Variants in LAMA1 observed in about 807,000 individuals in gnomAD.
LAMA1 encodes laminin subunit alpha-1.
A neutral mutation model predicts 348.7 loss-of-function variants in LAMA1; 219 were observed. That is an observed-to-expected ratio of 0.63 (90% CI 0.56 to 0.70). The LOEUF is 0.70. Ranked by LOEUF, LAMA1 falls within the 30% of genes least tolerant of loss-of-function variation. LAMA1 has a pLI of 0.00. For synonymous variants in LAMA1, 1,487 were observed against 1,491.0 expected (o/e 1.00, Z 0.06); for missense variants, 3,744 against 3,888.0 (o/e 0.96, Z 0.99).
In LAMA1 at chr18:7,077,567, C is replaced by T. The variant is rs112132222; in HGVS notation, c.345+2408G>A. 8.6e-3 allele frequency among the ~76,000 whole-genome samples: 1,301 copies of T among 152,076 alleles called. 16 individuals are homozygous for T. Among genetic ancestry groups the T allele is most frequent in the African/African-American group, 0.029 (1,193 of 41,464 alleles). On this transcript the variant is annotated intron_variant, in intron 3 of 62. Coordinates refer to ENST00000389658, the MANE Select transcript of LAMA1 (RefSeq NM_005559.4). The stretch of plus-strand genomic sequence containing the variant: ...AAATGGAGACTGCCTTCTGGAATTC[C>T]TCAGACTAACTTAGTCCATCCCTTC...
chr18:7,043,181 C>G (rs756504422), intron 8 of LAMA1, 46 bp downstream of exon 8: 3 of 1,596,682 alleles, frequency 1.9e-6, no homozygotes, highest in Non-Finnish European at 2.6e-6. Flanking sequence ...TCTTTTCCAC[C>G]TGGGGAAGAT....
At chr18:7,034,453 G>C (rs1475654828) in intron 14 of LAMA1, 26 bp downstream of exon 14, 3 of 1,571,622 alleles carry the variant, frequency 1.9e-6, no homozygotes, top group Non-Finnish European at 1.8e-6. Flanking sequence ...TTCACCGTAA[G>C]TTTTTCCTCC....
chr18:6,983,319 G>T, intron 39 of LAMA1, 85 bp from the exon 40 acceptor site: 1 of 1,387,610 alleles, frequency 7.2e-7, no homozygotes, highest in Non-Finnish European at 1.0e-6. Flanking sequence ...ATGCCTACCA[G>T]TTTTGAAAGC....
rs1420214740 is a variant in LAMA1 at position 7,023,271 on chromosome 18, G to A, written c.2594C>T (p.Ser865Leu). 3 of 1,614,146 alleles carry A rather than the reference G, an allele frequency of 1.9e-6. No individual in the cohort carries two copies. Among genetic ancestry groups the A allele is most frequent in the African/African-American group, 1.3e-5 (1 of 75,042 alleles). Residue 865 changes from serine to leucine, a missense_variant, in exon 19 of 63, where the codon TCA (serine) becomes TTA (leucine). Physicochemically the swap from Ser to Leu is moderately radical, Grantham distance 145. This residue lies in a region of LAMA1 where 1,529 missense variants were observed against 1,689.4 expected (regional missense o/e 0.91). Transcript: ENST00000389658. Reference protein sequence around the residue: ...VDPSEAGHCDSVTGECLKCLG... With the variant: ...VDPSEAGHCDLVTGECLKCLG... Reference sequence around the variant, plus strand: ...GCACTTCAGGCACTCCCCGGTGACTGAGTCACAGTGACCAGCCTCCGAGGG... The same window carrying A: ...GCACTTCAGGCACTCCCCGGTGACTAAGTCACAGTGACCAGCCTCCGAGGG...
intron 3 of LAMA1, among the ~76,000 whole-genome samples, chr18:7,056,719 T>A (rs2058083568): frequency 6.6e-6 from 1 of 152,174 alleles, no homozygotes; most frequent in Non-Finnish European, 1.5e-5. Flanking sequence ...GTTCATATGT[T>A]AAGCATAGTG....
intron 56 of LAMA1, 29 bp from the exon 57 acceptor site, chr18:6,955,494 C>T (rs563625229): frequency 8.3e-6 from 13 of 1,563,500 alleles, no homozygotes; most frequent in South Asian, 4.5e-5. Flanking sequence ...GACACTCAGC[C>T]GCCACCCGCA....
chr18:7,077,664 A>C (rs1279886902), intron 3 of LAMA1, among the ~76,000 whole-genome samples: 1 of 152,146 alleles, frequency 6.6e-6, no homozygotes, highest in Non-Finnish European at 1.5e-5. Context: ...TATATGTAAA[A>C]TGTCCAGGTC....
At chr18:7,094,998 T>C (rs2058254646) in intron 1 of LAMA1, among the ~76,000 whole-genome samples, 1 of 152,142 alleles carries the variant, frequency 6.6e-6, no homozygotes, top group East Asian at 1.9e-4. Context: ...GATTCAACAT[T>C]GTGAGATAGC....
chr18:6,965,490 C>A (rs1340563191), intron 49 of LAMA1, 58 bp from the exon 50 acceptor site: 10 of 1,594,674 alleles, frequency 6.3e-6, no homozygotes, highest in Non-Finnish European at 8.6e-6. Context: ...TTTCCCTTTC[C>A]CTTCAAGTCA....
intron 42 of LAMA1, among the ~76,000 whole-genome samples, chr18:6,980,217 T>C (rs1775268029): frequency 6.6e-6 from 1 of 152,184 alleles, no homozygotes; most frequent in Non-Finnish European, 1.5e-5. Flanking sequence ...CTTCTTTCAA[T>C]GGTCCTTCTT....
intron 1 of LAMA1, among the ~76,000 whole-genome samples, chr18:7,112,595 A>AATAT (rs560129265): frequency 1.4e-5 from 2 of 144,172 alleles, no homozygotes; most frequent in African/African-American, 5.7e-5. Context: ...TATCTATTAA[A>AATAT]ATATATATAT....
In LAMA1 at chr18:7,008,483, C is replaced by T. The variant is rs780016187; in HGVS notation, c.4122+5G>A. ...GGAAATAGATTTCGACTAGAGTCTC[C>T]GTACCTGACATGAGAATCCCACAGT... On this transcript the variant is annotated splice_donor_5th_base_variant and intron_variant, in intron 28 of 62. Transcript: ENST00000389658. The T allele has an allele frequency of 2.3e-5, 37 of 1,613,698 alleles. No homozygotes were observed. The highest frequency in any genetic ancestry group is 9.9e-5 in the South Asian group (9 of 91,070).
rs568237884 is a variant in LAMA1 at position 7,033,079 on chromosome 18, G to C, written c.2068C>G (p.Leu690Val). The C allele has an allele frequency of 1.2e-4, 186 of 1,610,852 alleles. 5 individuals carry two copies. In the South Asian group the frequency reaches 1.9e-3, roughly 17 times the overall value. The change falls in exon 15 of 63, where the codon CTG becomes GTG. Residue 690 changes from leucine to valine, a missense_variant. Transcript: ENST00000389658. ...MALYRLESVS[L>V]DIASSNAIDL... ...ATGGCATTAGAGCTGGCTATGTCCAGAGAGACGGACTCCAACCTACAAATA... is the reference window on the plus strand; with the variant it reads ...ATGGCATTAGAGCTGGCTATGTCCACAGAGACGGACTCCAACCTACAAATA...
intron 6 of LAMA1, 26 bp downstream of exon 6, chr18:7,046,252 G>A (rs1160653501): frequency 6.8e-7 from 1 of 1,475,252 alleles, no homozygotes; most frequent in African/African-American, 1.4e-5. Flanking sequence ...TGAAGTTTTA[G>A]TAAAATGTGA....
At chr18:7,062,608 C>T (rs1211934016) in intron 3 of LAMA1, among the ~76,000 whole-genome samples, 1 of 152,070 alleles carries the variant, frequency 6.6e-6, no homozygotes, top group African/African-American at 2.4e-5. Context: ...ACCAAGAGAC[C>T]AGAGCAGAGA....
At position 6,947,168 on chromosome 18, in the gene LAMA1, C is replaced by T. The variant is rs140080119; in HGVS notation, c.8839G>A (p.Gly2947Ser). 11 of 1,614,166 alleles carry T rather than the reference C, an allele frequency of 6.8e-6. No individual in the cohort carries two copies. The highest frequency in any genetic ancestry group is 2.2e-5 in the East Asian group (1 of 44,876). Residue 2947 changes from glycine (G) to serine (S), a missense_variant, in exon 61 of 63, where the codon GGC becomes AGC. Physicochemically the swap from Gly to Ser is moderately conservative, Grantham distance 56. This residue lies in a region of LAMA1 where 232 missense variants were observed against 264.4 expected (regional missense o/e 0.88). Coordinates refer to ENST00000389658, the MANE Select transcript of LAMA1 (RefSeq NM_005559.4). Reference sequence around the variant, plus strand: ...CATGGAGAGGAAGCACCCACCTTGCCGTCCACAAGCTCTAGTCCAATGGCA... The same window carrying T: ...CATGGAGAGGAAGCACCCACCTTGCTGTCCACAAGCTCTAGTCCAATGGCA... ...VDAIGLELVD[G>S]KVLFHVNNGA...
chr18:6,991,408 T>G lies in LAMA1; in HGVS notation c.5168+1153A>C, dbSNP rs1204379174. Among the ~76,000 whole-genome samples the G allele has an allele frequency of 5.3e-5, 6 of 113,686 alleles. No homozygotes were observed. The East Asian group carries it at 1.6e-3, about 29-fold the overall frequency. 74.6% of individuals were successfully genotyped at this position (113,686 alleles called of 152,430 possible). ...CTTCTTCTTTTTTTTTTTTTTTTTTTGAGACGGAGTCTTGCTCTGTCGCCC... is the reference window on the plus strand; with the variant it reads ...CTTCTTCTTTTTTTTTTTTTTTTTTGGAGACGGAGTCTTGCTCTGTCGCCC... On this transcript the variant is annotated intron_variant, in intron 36 of 62. Transcript: ENST00000389658.
At chr18:7,084,074 GAAAAAAAAAAA>G (rs35419107) in intron 1 of LAMA1, among the ~76,000 whole-genome samples, 22 of 49,706 alleles carry the variant, frequency 4.4e-4, no homozygotes, top group South Asian at 1.4e-3. Context: ...TTCTGTCTCA[GAAAAAAAAAAA>G]AAAAAAAAAA....
chr18:7,062,740 T>C lies in LAMA1; in HGVS notation c.346-11804A>G, dbSNP rs1225324474. ...ATCCCTCTCTCCACTGTAGGAAGAG[T>C]GCAGAGTTCTCTCCTACATGGCCCC... On this transcript the variant is annotated intron_variant, in intron 3 of 62. Transcript: ENST00000389658. 5.3e-5 allele frequency among the ~76,000 whole-genome samples: 8 copies of C among 152,078 alleles called. No homozygotes were observed. In the East Asian group the frequency reaches 1.5e-3, roughly 29 times the overall value.
Sources: allele counts gnomAD v4.1 joint callset (sites outside exome capture counted in the v4.1 genomes callset), GRCh38; gene constraint gnomAD v4.1.1; regional missense constraint gnomAD v4.1.1; transcripts MANE v1.5; gene names NCBI Gene and HGNC (gene_info 2026-07-23, HGNC 2026-07-21).